SMIM14: variants seen among roughly 807,000 people sequenced by gnomAD.
SMIM14 encodes chromosome 4 open reading frame 34.
SMIM14 carries 5 observed loss-of-function variants against 12.6 expected under a neutral mutation model. That is an observed-to-expected ratio of 0.40 (90% CI 0.21 to 0.83). The LOEUF (loss-of-function observed/expected upper bound fraction) is 0.83. Among genes scored for constraint, SMIM14 ranks in the 40% least tolerant of loss-of-function variants. The pLI is 0.37. For missense variants in SMIM14, 86 were observed against 119.1 expected (o/e 0.72, Z 1.29); for synonymous variants, 30 against 40.1 (o/e 0.75, Z 0.95).
chr4:39,611,115 C>T (rs1578355872), intron 1 of SMIM14, among the ~76,000 whole-genome samples: 1 of 151,974 alleles, frequency 6.6e-6, no homozygotes, highest in Admixed American at 6.6e-5. Flanking sequence ...GAAAAGTGAG[C>T]GAAGATTACA....
chr4:39,625,442 AT>A lies in SMIM14; in HGVS notation c.-36+13296del, dbSNP rs71192885. Among the ~76,000 whole-genome samples the A allele has an allele frequency of 5.6e-3, 838 of 150,558 alleles. 11 individuals are homozygous for A. The highest frequency in any genetic ancestry group is 0.019 in the African/African-American group (780 of 40,982). ...AAACTCCCTGAAACTCATCATTACAATTTTTTTTTTCTTTTTTGAGACGGAG... is the reference window on the plus strand; with the variant it reads ...AAACTCCCTGAAACTCATCATTACAATTTTTTTTTCTTTTTTGAGACGGAG... On this transcript the variant is annotated intron_variant, in intron 1 of 4. Coordinates refer to ENST00000295958, the MANE Select transcript of SMIM14 (RefSeq NM_174921.3).
At chr4:39,620,037 C>T (rs1715421837) in intron 1 of SMIM14, among the ~76,000 whole-genome samples, 1 of 150,766 alleles carries the variant, frequency 6.6e-6, no homozygotes, top group Non-Finnish European at 1.5e-5. Context: ...CCACCACACC[C>T]AACTACTTAA....
At position 39,576,658 on chromosome 4, in the gene SMIM14, G is replaced by GTATATATATATATATATATATATATATA. The variant is rs1390098435; in HGVS notation, c.76-4196_76-4195insTATATATATATATATATATATATATATA. Among the ~76,000 whole-genome samples the GTATATATATATATATATATATATATATA allele has an allele frequency of 4.9e-5, 2 of 40,420 alleles. 1 individual carries two copies. Among genetic ancestry groups the GTATATATATATATATATATATATATATA allele is most frequent in the Non-Finnish European group, 9.2e-5 (2 of 21,630 alleles). 26.5% of individuals were successfully genotyped at this position (40,420 alleles called of 152,430 possible). ...AACTTATACCTATGTGTGTGTGTAT[G>GTATATATATATATATATATATATATATA]TGTATATATATATATATATATATAT... is the stretch of plus-strand genomic sequence containing the variant. On this transcript the variant is annotated intron_variant, in intron 2 of 4. Coordinates refer to ENST00000295958, the MANE Select transcript of SMIM14 (RefSeq NM_174921.3).
At chr4:39,583,195 C>A (rs572895006) in intron 2 of SMIM14, among the ~76,000 whole-genome samples, 1 of 152,170 alleles carries the variant, frequency 6.6e-6, no homozygotes, top group Middle Eastern at 3.4e-3. Flanking sequence ...CTTAAGCAAT[C>A]CTCCCACCTC....
rs141278790 is a variant in SMIM14, at chr4:39,557,962, C to T, written c.125-1392G>A. Among the ~76,000 whole-genome samples the T allele has an allele frequency of 2.6e-5, 4 of 152,236 alleles. No individual in the cohort carries two copies. In the East Asian group the frequency reaches 7.7e-4, roughly 29 times the overall value. On this transcript the variant is annotated intron_variant, in intron 3 of 4. Transcript: ENST00000295958. ...AGATCTAGATATTTTAAAATTTTAT[C>T]AATTTTTCTCTTCTATCAATTTTTT...
At chr4:39,590,280 G>C (rs1440569289) in intron 2 of SMIM14, among the ~76,000 whole-genome samples, 1 of 151,718 alleles carries the variant, frequency 6.6e-6, no homozygotes, top group Non-Finnish European at 1.5e-5. Context: ...GGGCGTGGTG[G>C]CGCTTGCCTG....
intron 2 of SMIM14, among the ~76,000 whole-genome samples, chr4:39,602,622 T>A (rs775119325): frequency 7.9e-5 from 12 of 152,114 alleles, no homozygotes; most frequent in Non-Finnish European, 1.8e-4. Flanking sequence ...AACGATCGGC[T>A]CTTTGCTTCA....
At chr4:39,571,159 G>A (rs1484068099) in intron 3 of SMIM14, among the ~76,000 whole-genome samples, 1 of 152,044 alleles carries the variant, frequency 6.6e-6, no homozygotes, top group East Asian at 1.9e-4. Context: ...TGCCCATAAA[G>A]CCATGTGGAG....
chr4:39,629,164 C>T (rs1715815884), intron 1 of SMIM14, among the ~76,000 whole-genome samples: 1 of 151,442 alleles, frequency 6.6e-6, no homozygotes. Context: ...AGTTCGAGAC[C>T]AGCCCGGCTA....
chr4:39,558,677 TACTC>T lies in SMIM14; in HGVS notation c.125-2111_125-2108del, dbSNP rs1427063500. Among the ~76,000 whole-genome samples the T allele has an allele frequency of 6.6e-6, 1 of 152,152 alleles. No homozygotes were observed. The highest frequency in any genetic ancestry group is 6.6e-5 in the Admixed American group (1 of 15,250). On this transcript the variant is annotated intron_variant, in intron 3 of 4. Coordinates refer to ENST00000295958, the MANE Select transcript of SMIM14 (RefSeq NM_174921.3). This position sits in a 1 kb window ranked among gnomAD's most constrained non-coding sequence, Gnocchi z 4.3. ...AGACAGCTTTTCGAAAAAGAAAAAT[TACTC>T]AATCAGTTACAAGGAGGAGAGCAGT...
chr4:39,562,638 G>A (rs1712367437), intron 3 of SMIM14, among the ~76,000 whole-genome samples: 1 of 151,980 alleles, frequency 6.6e-6, no homozygotes. Flanking sequence ...GTAGGCGCAT[G>A]CTGCCATGCC....
chr4:39,613,159 C>G lies in SMIM14; in HGVS notation c.-35-7979G>C, dbSNP rs151088134. Among the ~76,000 whole-genome samples, 131 of 152,314 alleles carry G rather than the reference C, an allele frequency of 8.6e-4. 1 individual carries two copies. The highest frequency in any genetic ancestry group is 3.1e-3 in the African/African-American group (128 of 41,578). On this transcript the variant is annotated intron_variant, in intron 1 of 4. Coordinates refer to ENST00000295958, the MANE Select transcript of SMIM14 (RefSeq NM_174921.3). ...TCTGGAGGGCAGAAATCTTAGTCAT[C>G]ATCATCTCTGAACACCACCTATATT...
chr4:39,638,718 G>A (rs1716199111), intron 1 of SMIM14, 21 bp downstream of exon 1: 1 of 985,408 alleles, frequency 1.0e-6, no homozygotes, highest in Middle Eastern at 5.2e-4. Flanking sequence ...AAACGCTGGT[G>A]GGAGAGGGGG....
At chr4:39,553,515 A>C (rs1406158663) in intron 4 of SMIM14, among the ~76,000 whole-genome samples, 2 of 152,208 alleles carry the variant, frequency 1.3e-5, no homozygotes, top group African/African-American at 2.4e-5. Context: ...GACAATATGC[A>C]AGCTGTTTTA....
intron 2 of SMIM14, among the ~76,000 whole-genome samples, chr4:39,589,329 C>T (rs548238930): frequency 3.3e-5 from 5 of 152,174 alleles, no homozygotes; most frequent in African/African-American, 7.2e-5. Flanking sequence ...TCAAATGATT[C>T]GCCCGCCTTA....
intron 1 of SMIM14, among the ~76,000 whole-genome samples, chr4:39,607,950 G>T (rs968684098): frequency 3.3e-5 from 5 of 152,130 alleles, no homozygotes; most frequent in African/African-American, 9.7e-5. Context: ...AATCATTAGG[G>T]AGATGCAAAT....
At chr4:39,560,250 CT>C (rs773257583) in intron 3 of SMIM14, among the ~76,000 whole-genome samples, 75 of 140,756 alleles carry the variant, frequency 5.3e-4, no homozygotes, top group African/African-American at 1.3e-3. Flanking sequence ...CTTTTCTTTT[CT>C]TTTTTTTTTT....
chr4:39,577,244 A>G (rs1424185314), intron 2 of SMIM14, among the ~76,000 whole-genome samples: 1 of 152,080 alleles, frequency 6.6e-6, no homozygotes, highest in Admixed American at 6.6e-5. Flanking sequence ...GAGTATCTAT[A>G]GAACCAATTA....
chr4:39,614,720 G>T lies in SMIM14; in HGVS notation c.-35-9540C>A, dbSNP rs150394960. Among the ~76,000 whole-genome samples the T allele has an allele frequency of 5.0e-3, 764 of 152,164 alleles. 5 individuals carry two copies. The highest frequency in any genetic ancestry group is 0.017 in the African/African-American group (720 of 41,514). On this transcript the variant is annotated intron_variant, in intron 1 of 4. Transcript: ENST00000295958. Reference sequence around the variant, plus strand: ...TTTTGTGATAGCAATCTGACTCCAGGTATATATTAAGCAACATGGTTTATA... The same window carrying T: ...TTTTGTGATAGCAATCTGACTCCAGTTATATATTAAGCAACATGGTTTATA...
Sources: allele counts gnomAD v4.1 joint callset (sites outside exome capture counted in the v4.1 genomes callset), GRCh38; gene constraint gnomAD v4.1.1; non-coding constraint Gnocchi (gnomAD v3.1); transcripts MANE v1.5; gene names NCBI Gene and HGNC (gene_info 2026-07-23, HGNC 2026-07-21).